The following TRIM37 variants were observed in gnomAD, a reference collection of about 807,000 sequenced individuals.
TRIM37 encodes the protein tripartite motif containing 37, also known as E3 ubiquitin-protein ligase TRIM37.
A neutral mutation model predicts 129.8 loss-of-function variants in TRIM37; 80 were observed. The ratio of observed to expected loss-of-function variants is 0.62; its 90% CI spans 0.51 to 0.74. TRIM37 has a LOEUF of 0.74. TRIM37 is among the 30% of genes least tolerant of loss of function. The pLI is 0.00. For missense variants in TRIM37, 1,054 were observed against 1,176.5 expected (o/e 0.90, Z 1.52); for synonymous variants, 389 against 387.1 (o/e 1.00, Z -0.06).
intron 17 of TRIM37, among the ~76,000 whole-genome samples, chr17:59,040,204 T>C (rs1599080381): frequency 6.6e-6 from 1 of 151,290 alleles, no homozygotes; most frequent in East Asian, 1.9e-4. Context: ...CCAAGACTGG[T>C]AGAGAAGTAA....
At position 59,106,801 on chromosome 17, in the gene TRIM37, A is replaced by C. The variant is rs7503190; in HGVS notation, c.-340T>G. ...GCCTATGGAACTGACGGTGGAGTTC[A>C]GCGAAGAAGGTGCCGCAGAGAATTC... On this transcript the variant is annotated 5_prime_UTR_variant, in exon 1 of 24. Transcript: ENST00000262294. 315,749 of 509,406 alleles carry C rather than the reference A, an allele frequency of 0.62. 99,763 individuals are homozygous for C. Among genetic ancestry groups the C allele is most frequent in the African/African-American group, 0.77 (38,308 of 49,756 alleles). The allele number at this position is 509,406 out of a possible 1,614,324, so 31.6% of individuals were successfully genotyped here.
chr17:59,097,389 A>G (rs889085190), intron 2 of TRIM37, among the ~76,000 whole-genome samples: 2 of 152,312 alleles, frequency 1.3e-5, no homozygotes, highest in East Asian at 1.9e-4. Context: ...AAAAATCCCT[A>G]AAGAGTCCAC....
At chr17:59,066,786 C>G (rs1040705620) in intron 9 of TRIM37, among the ~76,000 whole-genome samples, 3 of 152,202 alleles carry the variant, frequency 2.0e-5, no homozygotes, top group Non-Finnish European at 4.4e-5. Flanking sequence ...CTTCCCCTAT[C>G]ACCAGTTACC....
At chr17:59,018,725 T>G (rs1355744425) in intron 19 of TRIM37, among the ~76,000 whole-genome samples, 1 of 151,718 alleles carries the variant, frequency 6.6e-6, no homozygotes, top group Non-Finnish European at 1.5e-5. Context: ...TAGCTGTGTT[T>G]TTTTTTTTTT....
At chr17:59,097,083 A>C (rs969798841) in intron 2 of TRIM37, among the ~76,000 whole-genome samples, 4 of 152,204 alleles carry the variant, frequency 2.6e-5, no homozygotes, top group African/African-American at 9.6e-5. Context: ...TTCATGATAA[A>C]AATACTCAAT....
intron 17 of TRIM37, 80 bp downstream of exon 17, chr17:59,041,733 A>C: frequency 9.5e-7 from 1 of 1,056,632 alleles, no homozygotes. Context: ...AGTGGCTACC[A>C]CCTATTTAAA....
intron 17 of TRIM37, 92 bp downstream of exon 17, chr17:59,041,721 G>T: frequency 1.1e-6 from 1 of 923,934 alleles, no homozygotes; most frequent in Non-Finnish European, 1.8e-6. Context: ...CCATGTACAA[G>T]CAGTGGCTAC....
chr17:59,106,407 C>A (rs776601358), intron 1 of TRIM37, 34 bp downstream of exon 1: 1 of 1,613,354 alleles, frequency 6.2e-7, no homozygotes. Context: ...CGGGTGGGGG[C>A]GGGGACTAAC....
At chr17:58,980,964 T>C, downstream of TRIM37, 1 of 1,614,128 alleles carries the variant, frequency 6.2e-7, no homozygotes, top group Non-Finnish European at 8.5e-7. The surrounding 1 kb of genome is among the most constrained non-coding windows in gnomAD (Gnocchi z 4.7). Context: ...AGTGAAAACA[T>C]GAGGAAGCTC....
chr17:59,097,665 T>C (rs1421608995), intron 2 of TRIM37, among the ~76,000 whole-genome samples: 1 of 151,902 alleles, frequency 6.6e-6, no homozygotes, highest in Non-Finnish European at 1.5e-5. Flanking sequence ...ACCCAGGAAG[T>C]TGAGGCTGCA....
intron 8 of TRIM37, among the ~76,000 whole-genome samples, chr17:59,075,013 T>C (rs1014524153): frequency 6.6e-6 from 1 of 152,192 alleles, no homozygotes; most frequent in African/African-American, 2.4e-5. Flanking sequence ...GTAAAGTAAC[T>C]GGCAATAATA....
chr17:59,106,483 C>A lies in TRIM37; in HGVS notation c.-22G>T, dbSNP rs1388072137. 25 of 1,613,316 alleles carry A rather than the reference C, an allele frequency of 1.5e-5. No homozygotes were observed. The highest frequency in any genetic ancestry group is 2.0e-5 in the Non-Finnish European group (24 of 1,179,744). On this transcript the variant is annotated 5_prime_UTR_variant, in exon 1 of 24. Coordinates refer to ENST00000262294, the MANE Select transcript of TRIM37 (RefSeq NM_015294.6). ...CCATTGCCTCCGGCTCTCGGCGGGGCCGCTGGCGACCCGCAGGCTCCGCAG... is the reference window on the plus strand; with the variant it reads ...CCATTGCCTCCGGCTCTCGGCGGGGACGCTGGCGACCCGCAGGCTCCGCAG...
chr17:59,015,613 A>C lies in TRIM37; in HGVS notation c.2573T>G (p.Leu858Trp). ...AVEKRRKMVTLGANAKGGHLE... is the reference protein window; with the variant it reads ...AVEKRRKMVTWGANAKGGHLE... ...TATACAAAACAACTTAATTTACCCC[A>C]AGGTGACCATTTTCCTCCTTTTCTC... Residue 858 changes from leucine (L) to tryptophan (W), a missense_variant, in exon 21 of 24, where the codon TTG becomes TGG. Transcript: ENST00000262294. 1 of 1,614,124 alleles carries C rather than the reference A, an allele frequency of 6.2e-7. No homozygotes were observed. The highest frequency in any genetic ancestry group is 1.1e-5 in the South Asian group (1 of 91,080).
chr17:59,101,671 AAAAAAAATAT>A lies in TRIM37; in HGVS notation c.123+2612_123+2621del, dbSNP rs1302967973. ...CCATCTCTACAAAAAAAAAAAAAAA[AAAAAAAATAT>A]ATATATATATATATACACACACACA... On this transcript the variant is annotated intron_variant, in intron 2 of 23. Coordinates refer to ENST00000262294, the MANE Select transcript of TRIM37 (RefSeq NM_015294.6). Among the ~76,000 whole-genome samples the A allele has an allele frequency of 1.5e-3, 179 of 117,868 alleles. 2 individuals carry two copies. Among genetic ancestry groups the A allele is most frequent in the South Asian group, 8.8e-3 (37 of 4,188 alleles). The allele number at this position is 117,868 out of a possible 152,430, so 77.3% of individuals were successfully genotyped here.
intron 13 of TRIM37, among the ~76,000 whole-genome samples, chr17:59,056,670 T>C (rs890994468): frequency 3.3e-5 from 4 of 119,992 alleles, no homozygotes; most frequent in African/African-American, 1.3e-4. Flanking sequence ...GCGGAGCTTG[T>C]AGTGAGCCGA....
intron 9 of TRIM37, among the ~76,000 whole-genome samples, chr17:59,067,050 A>T (rs376936195): frequency 2.4e-3 from 365 of 151,988 alleles, no homozygotes; most frequent in East Asian, 7.0e-3. Context: ...TTATTTATTT[A>T]TTTTTTTGAG....
At chr17:59,028,012 A>C (rs2037424755) in intron 19 of TRIM37, among the ~76,000 whole-genome samples, 1 of 152,112 alleles carries the variant, frequency 6.6e-6, no homozygotes, top group Non-Finnish European at 1.5e-5. Context: ...CTGCCTCCTC[A>C]CAGAGACTTT....
intron 5 of TRIM37, among the ~76,000 whole-genome samples, chr17:59,082,788 G>T (rs1826161745): frequency 6.6e-6 from 1 of 152,092 alleles, no homozygotes; most frequent in Non-Finnish European, 1.5e-5. Context: ...CTCCAAAAAA[G>T]ATGTAGATTT....
At chr17:59,067,072 C>T (rs2041972775) in intron 9 of TRIM37, among the ~76,000 whole-genome samples, 2 of 152,228 alleles carry the variant, frequency 1.3e-5, no homozygotes, top group African/African-American at 2.4e-5. Context: ...CGCAGTCTCG[C>T]TCTGTCACAC....
Sources: gnomAD v4.1 joint callset for allele counts (sites outside exome capture counted in the v4.1 genomes callset) on GRCh38, gnomAD v4.1.1 for gene constraint, Gnocchi (gnomAD v3.1) non-coding constraint, MANE v1.5 for transcripts, NCBI Gene and HGNC (gene_info 2026-07-23, HGNC 2026-07-21) for gene names.